Variants in USP9Y observed in about 807,000 individuals in gnomAD.
USP9Y encodes the protein ubiquitin specific peptidase 9 Y-linked.
Under a neutral mutation model 53.1 loss-of-function variants are expected in USP9Y, and 41 were observed. The observed-to-expected ratio is 0.77, with a 90% CI of 0.60 to 1.00. The LOEUF (loss-of-function observed/expected upper bound fraction) is 1.00. Ranked by LOEUF, USP9Y falls within the 50% of genes least tolerant of loss-of-function variation. The probability of loss-of-function intolerance (pLI) is 0.00; values close to 1 mark genes in which losing one functional copy is unlikely to be tolerated. For missense variants in USP9Y, 567 were observed against 535.8 expected (o/e 1.06, Z -0.58); for synonymous variants, 220 against 173.7 (o/e 1.27, Z -2.09).
At chrY:12,738,970 G>A (rs544902831) in intron 11 of USP9Y, among the ~76,000 whole-genome samples, 8 of 33,583 alleles carry the variant, frequency 2.4e-4, no homozygotes, top group Admixed American at 8.2e-4. Flanking sequence ...CAAATGTCAC[G>A]AGTTCCATTA....
chrY:12,743,691 C>T, intron 12 of USP9Y, among the ~76,000 whole-genome samples: 2 of 33,872 alleles, frequency 5.9e-5, no homozygotes, highest in Admixed American at 2.7e-4. Context: ...CCTTTATTGA[C>T]GAGTAGTACT....
chrY:12,721,821 A>G (rs780427491), intron 4 of USP9Y, among the ~76,000 whole-genome samples: 1 of 33,268 alleles, frequency 3.0e-5, no homozygotes, highest in East Asian at 7.8e-4. Context: ...ATAATTGTAT[A>G]GGTTAGTTTT....
At chrY:12,819,996 G>A (rs2053539588) in intron 33 of USP9Y, among the ~76,000 whole-genome samples, 2 of 31,975 alleles carry the variant, frequency 6.3e-5, no homozygotes, top group Non-Finnish European at 7.6e-5. Context: ...TTAGCTGGGC[G>A]TGGTGGCCTG....
At chrY:12,855,365 C>T in intron 42 of USP9Y, among the ~76,000 whole-genome samples, 1 of 32,943 alleles carries the variant, frequency 3.0e-5, no homozygotes, top group South Asian at 6.9e-4. Flanking sequence ...ACATGCACCA[C>T]CATGCCTGGC....
intron 31 of USP9Y, among the ~76,000 whole-genome samples, chrY:12,814,937 T>C (rs2053535253): frequency 5.9e-5 from 2 of 33,788 alleles, no homozygotes; most frequent in Admixed American, 2.7e-4. Context: ...TCACAGTGAT[T>C]TGAAATACAC....
intron 15 of USP9Y, among the ~76,000 whole-genome samples, chrY:12,764,568 T>C: frequency 3.0e-5 from 1 of 33,594 alleles, no homozygotes. Context: ...ATTTTTGGGG[T>C]ATTTTGTTCA....
intron 34 of USP9Y, among the ~76,000 whole-genome samples, chrY:12,834,887 A>G (rs1167616802): frequency 3.2e-4 from 11 of 33,960 alleles, no homozygotes; most frequent in Admixed American, 1.4e-3. Context: ...AATTCTTACT[A>G]TTCTTGAGAA....
chrY:12,760,597 G>A lies in USP9Y; in HGVS notation c.1880G>A (p.Ser627Asn). The A allele has an allele frequency of 2.5e-6, 1 of 398,088 alleles. No individual in the cohort carries two copies. Among genetic ancestry groups the A allele is most frequent in the Non-Finnish European group, 3.5e-6 (1 of 283,042 alleles). The part of the protein sequence containing the change: ...VAENLATYMN[S>N]IRLYAGDHED... Reference sequence around the variant, plus strand: ...GAAAACCTTGCAACCTACATGAATAGCATCAGATTGTATGCTGGAGGTATG... The same window carrying A: ...GAAAACCTTGCAACCTACATGAATAACATCAGATTGTATGCTGGAGGTATG... Residue 627 changes from serine to asparagine, a missense_variant, in exon 15 of 46, where the codon AGC (serine) becomes AAC (asparagine). Coordinates refer to ENST00000338981, the MANE Select transcript of USP9Y (RefSeq NM_004654.4).
intron 12 of USP9Y, among the ~76,000 whole-genome samples, chrY:12,752,539 A>G (rs2053465036): frequency 6.1e-5 from 2 of 32,583 alleles, no homozygotes; most frequent in East Asian, 1.6e-3. Flanking sequence ...AGAATTTTGC[A>G]TCTTCCTTCT....
At chrY:12,839,780 T>C in intron 35 of USP9Y, 84 bp from the exon 36 acceptor site, 1 of 288,305 alleles carries the variant, frequency 3.5e-6, no homozygotes, top group Non-Finnish European at 5.2e-6. Context: ...AAATAGACTG[T>C]AAACTTTAAA....
chrY:12,735,816 A>G, intron 8 of USP9Y, 89 bp downstream of exon 8: 1 of 239,889 alleles, frequency 4.2e-6, no homozygotes, highest in Non-Finnish European at 6.5e-6. Flanking sequence ...TATTCTGTGC[A>G]TTATACAAAT....
At chrY:12,807,126 C>A in intron 27 of USP9Y, among the ~76,000 whole-genome samples, 1 of 30,258 alleles carries the variant, frequency 3.3e-5, no homozygotes, top group East Asian at 8.4e-4. Flanking sequence ...TCAAATTCTT[C>A]TTTTTTTCTG....
intron 3 of USP9Y, among the ~76,000 whole-genome samples, chrY:12,711,590 C>T (rs528312816): frequency 1.9e-4 from 6 of 32,321 alleles, no homozygotes; most frequent in African/African-American, 7.3e-4. Flanking sequence ...TCACTTTGTA[C>T]AAATTTTATT....
At chrY:12,716,897 C>T in intron 3 of USP9Y, among the ~76,000 whole-genome samples, 1 of 34,145 alleles carries the variant, frequency 2.9e-5, no homozygotes. Flanking sequence ...CGTGAGCCCC[C>T]ACGCCCGGCC....
chrY:12,781,401 T>C, intron 22 of USP9Y, among the ~76,000 whole-genome samples: 1 of 33,699 alleles, frequency 3.0e-5, no homozygotes, highest in Non-Finnish European at 7.4e-5. Flanking sequence ...TGCTGCTAAC[T>C]GATCAGGGTG....
rs2053491806 is a variant in USP9Y at position 12,775,580 on chromosome Y, T to C, written c.2427+14T>C. The C allele has an allele frequency of 1.1e-5, 4 of 350,210 alleles. No individual in the cohort carries two copies. The highest frequency in any genetic ancestry group is 1.6e-5 in the Non-Finnish European group (4 of 244,094). 87.4% of individuals were successfully genotyped at this position (350,210 alleles called of 400,897 possible). On this transcript the variant is annotated intron_variant, in intron 18 of 45. Coordinates refer to ENST00000338981, the MANE Select transcript of USP9Y (RefSeq NM_004654.4). ...AAAGCCAATCAGGTGAGAATTGAAGTGCTTAAAAAGATCCACAACAATTGG... is the reference window on the plus strand; with the variant it reads ...AAAGCCAATCAGGTGAGAATTGAAGCGCTTAAAAAGATCCACAACAATTGG...
At position 12,859,715 on chromosome Y, in the gene USP9Y, A is replaced by T. The variant is rs1423717646; in HGVS notation, c.*299A>T. 3.5e-5 allele frequency: 1 copy of T among 28,487 alleles called. No homozygotes were observed. The highest frequency in any genetic ancestry group is 8.3e-5 in the Non-Finnish European group (1 of 12,107). The allele number at this position is 28,487 out of a possible 400,897, so 7.1% of individuals were successfully genotyped here. A position where few individuals can be genotyped will look rare whatever the true frequency, so the allele number is the denominator to read the frequency against. On this transcript the variant is annotated 3_prime_UTR_variant, in exon 46 of 46. Transcript: ENST00000338981. ...TTAAGCAAGAAACTTTTTTTGATGAAAACAAGTCAGATCTACACAGTCACA... is the reference window on the plus strand; with the variant it reads ...TTAAGCAAGAAACTTTTTTTGATGATAACAAGTCAGATCTACACAGTCACA...
rs1381141878 is a variant in USP9Y, at chrY:12,736,483, A to G, written c.1098A>G (p.Val366=). 5.1e-6 allele frequency: 2 copies of G among 394,999 alleles called. No homozygotes were observed. Among genetic ancestry groups the G allele is most frequent in the Admixed American group, 7.5e-5 (1 of 13,419 alleles). Reference sequence around the variant, plus strand: ...AAATAAATAAGGTTATATCTAGTGTATCATATTATACTCATCGGCATAGTA... The same window carrying G: ...AAATAAATAAGGTTATATCTAGTGTGTCATATTATACTCATCGGCATAGTA... ...LNEINKVISS[V]SYYTHRHSNP... Residue 366 remains valine, a synonymous_variant, in exon 10 of 46, where the codon GTA becomes GTG. Coordinates refer to ENST00000338981, the MANE Select transcript of USP9Y (RefSeq NM_004654.4).
chrY:12,722,636 G>A (rs2053436998), intron 5 of USP9Y, among the ~76,000 whole-genome samples: 1 of 32,565 alleles, frequency 3.1e-5, no homozygotes, highest in Non-Finnish European at 7.5e-5. Context: ...ATCAGACTGC[G>A]GACCAAGAAA....
Sources: gnomAD v4.1 joint callset for allele counts (sites outside exome capture counted in the v4.1 genomes callset) on GRCh38, gnomAD v4.1.1 for gene constraint, MANE v1.5 for transcripts, NCBI Gene and HGNC (gene_info 2026-07-23, HGNC 2026-07-21) for gene names.